MYO3B: variants seen among roughly 807,000 people sequenced by gnomAD.
The protein encoded by MYO3B is myosin-IIIb.
Under a neutral mutation model 174.6 loss-of-function variants are expected in MYO3B, and 156 were observed. The ratio of observed to expected loss-of-function variants is 0.89; its 90% CI spans 0.78 to 1.02. The LOEUF (loss-of-function observed/expected upper bound fraction) is 1.02, where lower values mean the gene tolerates loss of function less well. MYO3B is among the 50% of genes least tolerant of loss of function. The pLI is 0.00. For missense variants in MYO3B, 1,632 were observed against 1,639.4 expected, an observed-to-expected ratio of 1.00 and a Z score of 0.08; for synonymous variants, 563 against 569.1, an observed-to-expected ratio of 0.99 and a Z score of 0.15.
chr2:170,279,580 C>T (rs905805744), intron 7 of MYO3B, among the ~76,000 whole-genome samples: 27 of 152,110 alleles, frequency 1.8e-4, no homozygotes, highest in Non-Finnish European at 3.5e-4. Context: ...AAGCCCAGTA[C>T]CCAATAGTTA....
chr2:170,203,273 T>C (rs1468076082), intron 3 of MYO3B, among the ~76,000 whole-genome samples: 2 of 152,292 alleles, frequency 1.3e-5, no homozygotes, highest in African/African-American at 4.8e-5. Flanking sequence ...TCTTTTTCCT[T>C]TTAGTGTAAA....
chr2:170,508,838 TA>T (rs368389661), intron 28 of MYO3B, among the ~76,000 whole-genome samples: 1 of 152,344 alleles, frequency 6.6e-6, no homozygotes, highest in African/African-American at 2.4e-5. Flanking sequence ...TTCTGAGCCT[TA>T]GTTTCCTCAG....
intron 16 of MYO3B, among the ~76,000 whole-genome samples, chr2:170,393,522 A>G (rs1022791023): frequency 1.1e-4 from 16 of 152,118 alleles, no homozygotes; most frequent in Non-Finnish European, 2.1e-4. Flanking sequence ...GCTTCATGCC[A>G]TCAATTTTGC....
At chr2:170,463,321 G>A in intron 23 of MYO3B, 47 bp from the exon 24 acceptor site, 1 of 1,552,430 alleles carries the variant, frequency 6.4e-7, no homozygotes, top group Non-Finnish European at 8.9e-7. Flanking sequence ...GGAGCATGAG[G>A]TAAGTGCCTA....
intron 16 of MYO3B, among the ~76,000 whole-genome samples, chr2:170,392,905 C>CG (rs939425379): frequency 1.4e-5 from 2 of 148,118 alleles, no homozygotes; most frequent in African/African-American, 5.0e-5. Flanking sequence ...TTAAAGTGAA[C>CG]GGGGGGTAGG....
chr2:170,401,802 C>CATTTTT, intron 18 of MYO3B, 111 bp downstream of exon 18: 1 of 698,088 alleles, frequency 1.4e-6, no homozygotes, highest in Non-Finnish European at 2.2e-6. Context: ...CTTTCTTTTT[C>CATTTTT]TTTTTTTTTT....
chr2:170,553,271 G>A (rs1384868491), intron 32 of MYO3B, among the ~76,000 whole-genome samples: 1 of 152,212 alleles, frequency 6.6e-6, no homozygotes, highest in Non-Finnish European at 1.5e-5. Flanking sequence ...TAGAAAAGCT[G>A]CAGGCACTCA....
chr2:170,192,814 A>T, intron 1 of MYO3B, among the ~76,000 whole-genome samples: 1 of 151,618 alleles, frequency 6.6e-6, no homozygotes, highest in East Asian at 1.9e-4. Flanking sequence ...GACCTAAAAG[A>T]GTTTTAATAT....
intron 21 of MYO3B, among the ~76,000 whole-genome samples, chr2:170,406,440 G>A (rs2094509577): frequency 6.6e-6 from 1 of 152,224 alleles, no homozygotes; most frequent in Non-Finnish European, 1.5e-5. Context: ...TACAAGGGAA[G>A]GGGATTATTT....
intron 7 of MYO3B, among the ~76,000 whole-genome samples, chr2:170,271,940 A>ATTTCT (rs2093427976): frequency 6.6e-6 from 1 of 152,150 alleles, no homozygotes; most frequent in Non-Finnish European, 1.5e-5. Flanking sequence ...GTTTCAGTAT[A>ATTTCT]TAATAATGTG....
At chr2:170,597,132 C>A (rs1694203080) in intron 32 of MYO3B, among the ~76,000 whole-genome samples, 1 of 152,034 alleles carries the variant, frequency 6.6e-6, no homozygotes, top group Non-Finnish European at 1.5e-5. Flanking sequence ...CACTACGGAG[C>A]CACCATGGAA....
At chr2:170,193,374 T>G (rs1053325919) in intron 1 of MYO3B, among the ~76,000 whole-genome samples, 1 of 152,092 alleles carries the variant, frequency 6.6e-6, no homozygotes, top group Non-Finnish European at 1.5e-5. Flanking sequence ...GGTTTTGTTA[T>G]CATTTACCTG....
intron 22 of MYO3B, among the ~76,000 whole-genome samples, chr2:170,410,991 TG>T (rs2094542738): frequency 8.0e-6 from 1 of 124,386 alleles, no homozygotes; most frequent in Admixed American, 9.1e-5. Flanking sequence ...AAGGCCGGTC[TG>T]GGCAACACAG....
intron 7 of MYO3B, among the ~76,000 whole-genome samples, chr2:170,254,996 A>G (rs551069825): frequency 1.3e-5 from 2 of 152,300 alleles, no homozygotes; most frequent in Admixed American, 1.3e-4. Flanking sequence ...GGCAGACCCC[A>G]TAGTCCTCTG....
In MYO3B at chr2:170,542,807, GTA is replaced by G. The variant is rs1387813926; in HGVS notation, c.3576-97_3576-96del. 8 of 913,754 alleles carry G rather than the reference GTA, an allele frequency of 8.8e-6. No homozygotes were observed. The African/African-American group carries it at 1.2e-4, about 14-fold the overall frequency. The allele number at this position is 913,754 out of a possible 1,614,324, so 56.6% of individuals were successfully genotyped here. ...ATGGGAAACCATGGAAGCATAAAAA[GTA>G]TGTTTTGATATATCTTTGAAGAAAA... On this transcript the variant is annotated intron_variant, in intron 30 of 34. Transcript: ENST00000408978.
intron 7 of MYO3B, among the ~76,000 whole-genome samples, chr2:170,297,331 CA>C (rs1465097811): frequency 3.6e-4 from 27 of 74,676 alleles, no homozygotes; most frequent in Non-Finnish European, 7.2e-4. Flanking sequence ...CATGCACCCA[CA>C]GACAGTTAAG....
rs1208388734 is a variant in MYO3B at position 170,404,272 on chromosome 2, A to C, written c.2303A>C (p.Asp768Ala). The change falls in exon 20 of 35, where the codon GAT becomes GCT. Residue 768 changes from aspartate to alanine, a missense_variant. Coordinates refer to ENST00000408978, the MANE Select transcript of MYO3B (RefSeq NM_138995.5). ...ATGGAATATCAGAATGAAGGCATTGATGCTGTACCCGTGGAATATGAGGAC... is the reference window on the plus strand; with the variant it reads ...ATGGAATATCAGAATGAAGGCATTGCTGCTGTACCCGTGGAATATGAGGAC... ...EQMEYQNEGI[D>A]AVPVEYEDNR... 7 of 1,610,366 alleles carry C rather than the reference A, an allele frequency of 4.3e-6. No individual in the cohort carries two copies. The highest frequency in any genetic ancestry group is 5.9e-6 in the Non-Finnish European group (7 of 1,178,638).
chr2:170,205,127 AC>A (rs1226527033), intron 3 of MYO3B, among the ~76,000 whole-genome samples: 1 of 152,198 alleles, frequency 6.6e-6, no homozygotes, highest in Non-Finnish European at 1.5e-5. Context: ...CATTTAGTGA[AC>A]AAAAAGCACT....
chr2:170,266,974 G>A (rs1320371616), intron 7 of MYO3B, among the ~76,000 whole-genome samples: 1 of 152,022 alleles, frequency 6.6e-6, no homozygotes, highest in Non-Finnish European at 1.5e-5. Flanking sequence ...GCCAAATGAA[G>A]GAAACAAACC....
Sources: gnomAD v4.1 joint callset for allele counts (sites outside exome capture counted in the v4.1 genomes callset) on GRCh38, gnomAD v4.1.1 for gene constraint, MANE v1.5 for transcripts, NCBI Gene and HGNC (gene_info 2026-07-23, HGNC 2026-07-21) for gene names.